The following UTP11 variants were observed in gnomAD, a reference collection of about 807,000 sequenced individuals.
UTP11 encodes the protein probable U3 small nucleolar RNA-associated protein 11.
UTP11 carries 29 observed loss-of-function variants against 39.0 expected under a neutral mutation model. That is an observed-to-expected ratio of 0.74 (90% CI 0.55 to 1.01). The LOEUF (loss-of-function observed/expected upper bound fraction) is 1.01. UTP11 is among the 50% of genes least tolerant of loss of function. UTP11 has a pLI of 0.00. For synonymous variants in UTP11, 111 were observed against 105.0 expected (o/e 1.06, Z -0.35); for missense variants, 281 against 306.0 (o/e 0.92, Z 0.61).
At chr1:38,016,245 G>C (rs570290941) in intron 1 of UTP11, 114 bp from the exon 2 acceptor site, 1 of 1,067,146 alleles carries the variant, frequency 9.4e-7, no homozygotes, top group African/African-American at 1.6e-5. Flanking sequence ...TTAGCTCCAA[G>C]GACTGGATTT....
intron 1 of UTP11, 111 bp downstream of exon 1, chr1:38,012,976 C>T: frequency 1.6e-6 from 2 of 1,284,236 alleles, no homozygotes; most frequent in South Asian, 1.3e-5. Context: ...TATATAAATG[C>T]ACGTAAATGT....
In UTP11 at chr1:38,017,664, T is replaced by C; in HGVS notation, c.126-4T>C. On this transcript the variant is annotated splice_polypyrimidine_tract_variant and splice_region_variant and intron_variant, in intron 2 of 7. Coordinates refer to ENST00000373014, the MANE Select transcript of UTP11 (RefSeq NM_016037.4). ...CTATGAACCTCATTTAACCTGTCTT[T>C]TAGTGACTACCGTAAAAAACAAGAA... 6.3e-7 allele frequency: 1 copy of C among 1,584,562 alleles called. No homozygotes were observed. Among genetic ancestry groups the C allele is most frequent in the Admixed American group, 1.9e-5 (1 of 53,422 alleles).
intron 4 of UTP11, 86 bp downstream of exon 4, chr1:38,018,663 C>T (rs1646719488): frequency 9.6e-7 from 1 of 1,039,800 alleles, no homozygotes; most frequent in East Asian, 2.4e-5. Context: ...TTAATTTCTT[C>T]TGGCATTTAC....
rs1361079372 is a variant in UTP11, at chr1:38,022,734, C to T, written c.603C>T (p.Cys201=). The stretch of plus-strand genomic sequence containing the variant: ...AAGAAAGGCAAAAGCAGTATAACTG[C>T]CTGACACAGCGGATTGAACGAGAGA... The part of the protein sequence containing the change: ...IAKERQKQYN[C]LTQRIEREKK... The change falls in exon 7 of 8, where the codon TGC becomes TGT. Residue 201 remains cysteine, a synonymous_variant. Transcript: ENST00000373014. 6.2e-7 allele frequency: 1 copy of T among 1,614,020 alleles called. No homozygotes were observed. Among genetic ancestry groups the T allele is most frequent in the Admixed American group, 1.7e-5 (1 of 60,012 alleles).
chr1:38,016,611 T>C (rs1464975128), intron 2 of UTP11, 191 bp downstream of exon 2: 1 of 586,028 alleles, frequency 1.7e-6, no homozygotes, highest in Non-Finnish European at 3.0e-6. Flanking sequence ...AGATCATTAT[T>C]TATTTAACTG....
At chr1:38,012,969 A>C in intron 1 of UTP11, 104 bp downstream of exon 1, 1 of 1,359,148 alleles carries the variant, frequency 7.4e-7, no homozygotes, top group Non-Finnish European at 1.0e-6. Flanking sequence ...TGTATAGTAT[A>C]TAAATGCACG....
In UTP11 at chr1:38,017,704, T is replaced by G; in HGVS notation, c.162T>G (p.Leu54=). 6.2e-7 allele frequency: 1 copy of G among 1,611,214 alleles called. No individual in the cohort carries two copies. Among genetic ancestry groups the G allele is most frequent in the Non-Finnish European group, 8.5e-7 (1 of 1,178,760 alleles). The change falls in exon 3 of 8, where the codon CTT becomes CTG. Residue 54 remains leucine, a synonymous_variant. Coordinates refer to ENST00000373014, the MANE Select transcript of UTP11 (RefSeq NM_016037.4). ...YRKKQEYLKA[L]RKKALEKNPD... Reference sequence around the variant, plus strand: ...AAAAACAAGAATACCTCAAAGCTCTTCGGAAGAAGGCTCTTGAAAAAAATC... The same window carrying G: ...AAAAACAAGAATACCTCAAAGCTCTGCGGAAGAAGGCTCTTGAAAAAAATC...
At chr1:38,020,775 C>T (rs1301384806) in intron 6 of UTP11, among the ~76,000 whole-genome samples, 1 of 152,230 alleles carries the variant, frequency 6.6e-6, no homozygotes, top group Non-Finnish European at 1.5e-5. Flanking sequence ...CAAAAGCTGT[C>T]TGAAACCACT....
chr1:38,023,475 GT>G, intron 7 of UTP11, 69 bp from the exon 8 acceptor site: 1 of 1,448,148 alleles, frequency 6.9e-7, no homozygotes, highest in South Asian at 1.2e-5. Context: ...CTAATAGGTA[GT>G]TTATTAACCT....
In UTP11 at chr1:38,023,794, C is replaced by T. The variant is rs1646751011; in HGVS notation, c.*166C>T. The T allele has an allele frequency of 4.1e-6, 2 of 493,120 alleles. No homozygotes were observed. Among genetic ancestry groups the T allele is most frequent in the Admixed American group, 4.2e-5 (1 of 23,848 alleles). 30.5% of individuals were successfully genotyped at this position (493,120 alleles called of 1,614,324 possible). On this transcript the variant is annotated 3_prime_UTR_variant, in exon 8 of 8. Transcript: ENST00000373014. The stretch of plus-strand genomic sequence containing the variant: ...CTATGGACAACATTAAATCTCCCTC[C>T]CTTCTGTAATTGTTTTTGGATTGTG...
intron 1 of UTP11, among the ~76,000 whole-genome samples, chr1:38,013,924 A>T (rs1167235220): frequency 6.6e-6 from 1 of 152,318 alleles, no homozygotes; most frequent in African/African-American, 2.4e-5. Flanking sequence ...CAGATTGGCC[A>T]GGCTGGTCTC....
rs768355596 is a variant in UTP11 at position 38,023,670 on chromosome 1, T to TATCAAAAATCAAAAA, written c.*42_*43insATCAAAAATCAAAAA. 67 of 1,562,426 alleles carry TATCAAAAATCAAAAA rather than the reference T, an allele frequency of 4.3e-5. No homozygotes were observed. The East Asian group carries it at 1.5e-3, about 35-fold the overall frequency. On this transcript the variant is annotated 3_prime_UTR_variant, in exon 8 of 8. Coordinates refer to ENST00000373014, the MANE Select transcript of UTP11 (RefSeq NM_016037.4). The stretch of plus-strand genomic sequence containing the variant: ...CTTGTCATTCTGTATCAAAAATCTG[T>TATCAAAAATCAAAAA]TGTCGTTTTCTAGTAACTTCAAATT...
intron 4 of UTP11, 95 bp downstream of exon 4, chr1:38,018,672 A>T: frequency 1.1e-6 from 1 of 949,110 alleles, no homozygotes; most frequent in South Asian, 1.6e-5. Context: ...TCTGGCATTT[A>T]CAATCTCACT....
At position 38,023,778 on chromosome 1, in the gene UTP11, A is replaced by G. The variant is rs1646750967; in HGVS notation, c.*150A>G. 1.9e-6 allele frequency: 1 copy of G among 536,374 alleles called. No individual in the cohort carries two copies. The highest frequency in any genetic ancestry group is 4.0e-5 in the Admixed American group (1 of 24,758). 33.2% of individuals were successfully genotyped at this position (536,374 alleles called of 1,614,324 possible). ...GACATTTAATGTCTTTCTATGGACA[A>G]CATTAAATCTCCCTCCCTTCTGTAA... On this transcript the variant is annotated 3_prime_UTR_variant, in exon 8 of 8. Transcript: ENST00000373014.
chr1:38,019,029 T>C, intron 4 of UTP11, 30 bp from the exon 5 acceptor site: 1 of 1,520,284 alleles, frequency 6.6e-7, no homozygotes. Context: ...AAGAATCTAA[T>C]ATAAAGTGAG....
intron 7 of UTP11, 49 bp downstream of exon 7, chr1:38,022,858 T>C (rs1314936329): frequency 1.5e-6 from 2 of 1,325,820 alleles, no homozygotes; most frequent in African/African-American, 3.0e-5. Flanking sequence ...CCCCCTTTTC[T>C]TTCTTGTAAA....
chr1:38,014,721 C>T (rs1221770896), intron 1 of UTP11, among the ~76,000 whole-genome samples: 1 of 151,984 alleles, frequency 6.6e-6, no homozygotes, highest in Non-Finnish European at 1.5e-5. Context: ...ACTTCAGGCT[C>T]GACCCCCTCA....
At position 38,024,719 on chromosome 1, in the gene UTP11, T is replaced by C. The variant is rs1646756426; in HGVS notation, c.*1091T>C. 6.6e-6 allele frequency: 1 copy of C among 152,268 alleles called. No homozygotes were observed. 9.4% of individuals were successfully genotyped at this position (152,268 alleles called of 1,614,324 possible). A position where few individuals can be genotyped will look rare whatever the true frequency, so the allele number is the denominator to read the frequency against. On this transcript the variant is annotated 3_prime_UTR_variant, in exon 8 of 8. Transcript: ENST00000373014. The stretch of plus-strand genomic sequence containing the variant: ...ACCGCGCCCGGCCGATGTCCTACTT[T>C]TTAATTAAATCATTAGCTCTTTCCC...
intron 3 of UTP11, 42 bp downstream of exon 3, chr1:38,017,812 A>G (rs775736450): frequency 2.0e-6 from 3 of 1,501,718 alleles, no homozygotes; most frequent in Non-Finnish European, 2.7e-6. Flanking sequence ...AGCTCCACAC[A>G]TTGGAAAATA....
Sources: gnomAD v4.1 joint callset for allele counts (sites outside exome capture counted in the v4.1 genomes callset) on GRCh38, gnomAD v4.1.1 for gene constraint, MANE v1.5 for transcripts, NCBI Gene and HGNC (gene_info 2026-07-23, HGNC 2026-07-21) for gene names.